FRMD4A: variants seen among roughly 807,000 people sequenced by gnomAD.
FRMD4A encodes FERM domain-containing protein 4A.
Under a neutral mutation model 129.1 loss-of-function variants are expected in FRMD4A, and 29 were observed. The ratio of observed to expected loss-of-function variants is 0.22; its 90% CI spans 0.17 to 0.31. FRMD4A has a LOEUF of 0.31. Ranked by LOEUF, FRMD4A falls within the 10% of genes least tolerant of loss-of-function variation. FRMD4A has a pLI of 1.00. For missense variants in FRMD4A, 1,272 were observed against 1,375.8 expected (o/e 0.92, Z 1.19); for synonymous variants, 634 against 571.6 (o/e 1.11, Z -1.56).
intron 2 of FRMD4A, among the ~76,000 whole-genome samples, chr10:14,320,174 G>C (rs552331572): frequency 6.6e-6 from 1 of 152,060 alleles, no homozygotes; most frequent in East Asian, 1.9e-4. Context: ...TCCACCACTA[G>C]ATTAAACACC....
At chr10:13,989,087 C>T (rs2131421301) in intron 2 of FRMD4A, among the ~76,000 whole-genome samples, 1 of 152,034 alleles carries the variant, frequency 6.6e-6, no homozygotes, top group Non-Finnish European at 1.5e-5. Context: ...TTGGTGGGGA[C>T]ATAAGAAATA....
chr10:13,657,682 G>A (rs189776436), intron 21 of FRMD4A, among the ~76,000 whole-genome samples, 160 bp from the exon 22 acceptor site: 31 of 152,286 alleles, frequency 2.0e-4, no homozygotes, highest in Middle Eastern at 3.4e-3. Context: ...CTGCCCCAGG[G>A]ATCCGGGAAC....
intron 2 of FRMD4A, among the ~76,000 whole-genome samples, chr10:14,040,199 G>A (rs994965604): frequency 4.6e-5 from 7 of 152,144 alleles, no homozygotes; most frequent in Non-Finnish European, 8.8e-5. Flanking sequence ...CTGGCTCCGG[G>A]GTCAGTGATA....
At chr10:13,993,878 A>G (rs1406261047) in intron 2 of FRMD4A, among the ~76,000 whole-genome samples, 1 of 151,744 alleles carries the variant, frequency 6.6e-6, no homozygotes, top group Non-Finnish European at 1.5e-5. Flanking sequence ...CTGATTTAGC[A>G]CTAGGATTAT....
At chr10:14,292,004 T>C (rs977677623) in intron 2 of FRMD4A, among the ~76,000 whole-genome samples, 3 of 152,114 alleles carry the variant, frequency 2.0e-5, no homozygotes, top group Non-Finnish European at 4.4e-5. Flanking sequence ...TAAGTACATA[T>C]AGGTGCTTTA....
intron 12 of FRMD4A, among the ~76,000 whole-genome samples, chr10:13,713,043 G>A (rs1190357874): frequency 6.6e-6 from 1 of 152,196 alleles, no homozygotes; most frequent in Non-Finnish European, 1.5e-5. Flanking sequence ...GGAAATAGAC[G>A]CTTGAGAGGA....
chr10:14,179,221 T>C (rs1029444612), intron 2 of FRMD4A, among the ~76,000 whole-genome samples: 3 of 152,090 alleles, frequency 2.0e-5, no homozygotes, highest in Non-Finnish European at 4.4e-5. Context: ...AGCCAAACAA[T>C]TAGGTTTTAT....
At chr10:14,167,752 C>T (rs1828729694) in intron 2 of FRMD4A, among the ~76,000 whole-genome samples, 1 of 151,864 alleles carries the variant, frequency 6.6e-6, no homozygotes, top group Admixed American at 6.6e-5. Context: ...TCCATGCTGC[C>T]ACATGAAGGT....
intron 2 of FRMD4A, among the ~76,000 whole-genome samples, chr10:14,279,525 T>C (rs920000710): frequency 6.6e-6 from 1 of 152,122 alleles, no homozygotes; most frequent in Non-Finnish European, 1.5e-5. Context: ...TCAACTTTCA[T>C]AAAACTTAGG....
chr10:14,040,366 C>T (rs754040076), intron 2 of FRMD4A, among the ~76,000 whole-genome samples: 7 of 151,736 alleles, frequency 4.6e-5, no homozygotes, highest in African/African-American at 1.2e-4. Flanking sequence ...TGTAGCAGGG[C>T]TGTAGGGGTG....
chr10:14,284,992 C>T (rs1845637174), intron 2 of FRMD4A, among the ~76,000 whole-genome samples: 1 of 152,220 alleles, frequency 6.6e-6, no homozygotes, highest in African/African-American at 2.4e-5. Flanking sequence ...AGGTCCAACA[C>T]AGAGCCTGAT....
chr10:14,065,562 C>T (rs1588898296), intron 2 of FRMD4A, among the ~76,000 whole-genome samples: 1 of 152,126 alleles, frequency 6.6e-6, no homozygotes, highest in African/African-American at 2.4e-5. Context: ...TCCTCCAATT[C>T]CCCACTGAAA....
At chr10:13,787,433 AG>A (rs2092894458) in intron 5 of FRMD4A, among the ~76,000 whole-genome samples, 1 of 152,120 alleles carries the variant, frequency 6.6e-6, no homozygotes, top group Non-Finnish European at 1.5e-5. Flanking sequence ...GGGAGGGCTG[AG>A]GGTTTGGATT....
intron 2 of FRMD4A, among the ~76,000 whole-genome samples, chr10:13,997,924 T>C (rs2095628709): frequency 6.6e-6 from 1 of 152,190 alleles, no homozygotes; most frequent in Non-Finnish European, 1.5e-5. Context: ...CAAAGCAATT[T>C]TGATGCATGC....
At chr10:13,810,119 A>G (rs1466471361) in intron 4 of FRMD4A, among the ~76,000 whole-genome samples, 2 of 152,232 alleles carry the variant, frequency 1.3e-5, no homozygotes, top group African/African-American at 4.8e-5. Context: ...TTGTGACTGT[A>G]CGTGTGTGCA....
chr10:14,146,119 G>T (rs1380989811), intron 2 of FRMD4A, among the ~76,000 whole-genome samples: 1 of 152,142 alleles, frequency 6.6e-6, no homozygotes, highest in African/African-American at 2.4e-5. Flanking sequence ...TCTTAATGAG[G>T]AGAGTAAAAG....
At chr10:13,881,731 T>C (rs1294578593) in intron 2 of FRMD4A, among the ~76,000 whole-genome samples, 2 of 151,954 alleles carry the variant, frequency 1.3e-5, no homozygotes, top group Admixed American at 1.3e-4. Context: ...AAAGCGACGG[T>C]GGGAGGCATG....
intron 2 of FRMD4A, among the ~76,000 whole-genome samples, chr10:14,102,425 C>T (rs1837356525): frequency 6.6e-6 from 1 of 152,074 alleles, no homozygotes; most frequent in South Asian, 2.1e-4. Context: ...TACTCAGGAG[C>T]CTGAGGTAGG....
rs1308155926 is a variant in FRMD4A at position 13,679,474 on chromosome 10, T to TATACACACACACACAC, written c.1118-4431_1118-4430insGTGTGTGTGTGTGTAT. Among the ~76,000 whole-genome samples, 281 of 31,482 alleles carry TATACACACACACACAC rather than the reference T, an allele frequency of 8.9e-3. 9 individuals are homozygous for TATACACACACACACAC. Among genetic ancestry groups the TATACACACACACACAC allele is most frequent in the Admixed American group, 0.016 (30 of 1,880 alleles). 20.7% of individuals were successfully genotyped at this position (31,482 alleles called of 152,430 possible). ...AAAAAAAAAAAAATATATATATATA[T>TATACACACACACACAC]ACACACACACACACACACACACACA... On this transcript the variant is annotated intron_variant, in intron 15 of 24. Coordinates refer to ENST00000357447, the MANE Select transcript of FRMD4A (RefSeq NM_018027.5).
Sources: gnomAD v4.1 joint callset for allele counts (sites outside exome capture counted in the v4.1 genomes callset) on GRCh38, gnomAD v4.1.1 for gene constraint, MANE v1.5 for transcripts, NCBI Gene and HGNC (gene_info 2026-07-23, HGNC 2026-07-21) for gene names.